USH2A: variants seen among roughly 807,000 people sequenced by gnomAD.
USH2A encodes the protein Usher syndrome 2A (autosomal recessive, mild).
USH2A carries 443 observed loss-of-function variants against 538.9 expected under a neutral mutation model. That is an observed-to-expected ratio of 0.82 (90% CI 0.76 to 0.89). USH2A has a LOEUF of 0.89. Ranked by LOEUF, USH2A falls within the 40% of genes least tolerant of loss-of-function variation. The pLI is 0.00. For missense variants in USH2A, 6,633 were observed against 6,324.8 expected, an observed-to-expected ratio of 1.05 and a Z score of -1.65; for synonymous variants, 2,413 against 2,273.5, an observed-to-expected ratio of 1.06 and a Z score of -1.75.
intron 32 of USH2A, among the ~76,000 whole-genome samples, chr1:216,040,327 C>T (rs1245921281): frequency 2.0e-5 from 3 of 152,016 alleles, no homozygotes; most frequent in South Asian, 4.1e-4. Context: ...TTAACCTTTC[C>T]TCTTTTGGAG....
At chr1:215,830,700 C>T (rs1663288283) in intron 47 of USH2A, among the ~76,000 whole-genome samples, 1 of 152,158 alleles carries the variant, frequency 6.6e-6, no homozygotes, top group Non-Finnish European at 1.5e-5. Flanking sequence ...TTATGGTTGC[C>T]TCACATGCAT....
In USH2A at chr1:216,246,937, G is replaced by T. The variant is rs919036575; in HGVS notation, c.2457C>A (p.Pro819=). The T allele has an allele frequency of 1.2e-6, 2 of 1,613,916 alleles. No individual in the cohort carries two copies. The highest frequency in any genetic ancestry group is 2.7e-5 in the African/African-American group (2 of 74,888). ...NAKTGQCICK[P]NVEGRQCNKC... ...TATTGCACTGTCTCCCTTCAACATT[G>T]GGCTTGCAGATGCACTGCCCTGTCT... The change falls in exon 13 of 72, where the codon CCC becomes CCA. Residue 819 remains proline (P), a synonymous_variant. Coordinates refer to ENST00000307340, the MANE Select transcript of USH2A (RefSeq NM_206933.4).
intron 32 of USH2A, among the ~76,000 whole-genome samples, chr1:216,020,929 G>T (rs963735096): frequency 2.0e-5 from 3 of 152,088 alleles, no homozygotes; most frequent in Admixed American, 2.0e-4. Flanking sequence ...CCTGAAGAGG[G>T]GGTTGTGGGA....
intron 14 of USH2A, among the ~76,000 whole-genome samples, chr1:216,219,480 T>G (rs1291564732): frequency 6.6e-6 from 1 of 152,082 alleles, no homozygotes; most frequent in Non-Finnish European, 1.5e-5. Flanking sequence ...CTTTAGCAAA[T>G]AAGCTACAAA....
chr1:215,836,480 A>AAT (rs1663499366), intron 47 of USH2A, among the ~76,000 whole-genome samples: 1 of 8,446 alleles, frequency 1.2e-4, no homozygotes, highest in African/African-American at 3.0e-4. Flanking sequence ...ATATATATAT[A>AAT]ATATATATTA....
intron 37 of USH2A, among the ~76,000 whole-genome samples, chr1:215,947,906 G>A (rs1415355001): frequency 2.0e-5 from 3 of 152,008 alleles, no homozygotes; most frequent in African/African-American, 7.2e-5. Flanking sequence ...GCCATACAGA[G>A]TAAATCATTA....
intron 64 of USH2A, among the ~76,000 whole-genome samples, chr1:215,663,628 A>G (rs1238096572): frequency 4.6e-5 from 7 of 152,158 alleles, no homozygotes; most frequent in Non-Finnish European, 7.3e-5. Context: ...CTGCTCAATC[A>G]TAGTCCTCTG....
chr1:215,782,115 C>G lies in USH2A; in HGVS notation c.10667G>C (p.Gly3556Ala). 1.2e-6 allele frequency: 2 copies of G among 1,613,984 alleles called. No homozygotes were observed. Among genetic ancestry groups the G allele is most frequent in the Non-Finnish European group, 1.7e-6 (2 of 1,179,892 alleles). Residue 3556 changes from glycine to alanine, a missense_variant, in exon 54 of 72, where the codon GGA (glycine) becomes GCA (alanine). Physicochemically the swap from Gly to Ala is moderately conservative, Grantham distance 60 (BLOSUM62 0). Transcript: ENST00000307340. Reference protein sequence around the residue: ...GTSLSFSDKEGIQPFQEYSYQ... With the variant: ...GTSLSFSDKEAIQPFQEYSYQ... ...TGAATATTCCTGAAATGGTTGAATT[C>G]CCTCTTTATCAGAGAAGCTCAGTGA...
chr1:215,624,271 A>G lies in USH2A; in HGVS notation c.*1510T>C, dbSNP rs920810354. ...TTATGGTTGGCAAACTTTGTCTAGG[A>G]GTTGGTCAGTCTGAGGAGCTGCTCT... On this transcript the variant is annotated 3_prime_UTR_variant, in exon 72 of 72. Transcript: ENST00000307340. 3.3e-5 allele frequency: 5 copies of G among 152,142 alleles called. No homozygotes were observed. The highest frequency in any genetic ancestry group is 7.3e-5 in the Non-Finnish European group (5 of 68,042). The allele number at this position is 152,142 out of a possible 1,614,324, so 9.4% of individuals were successfully genotyped here. A position where few individuals can be genotyped will look rare whatever the true frequency, so the allele number is the denominator to read the frequency against.
chr1:215,830,758 A>C (rs1436601487), intron 47 of USH2A, among the ~76,000 whole-genome samples: 1 of 152,228 alleles, frequency 6.6e-6, no homozygotes, highest in Admixed American at 6.5e-5. Flanking sequence ...GAACTATTAC[A>C]TAATTCTACA....
rs2037642877 is a variant in USH2A, at chr1:216,322,730, C to T, written c.1550+744G>A. Among the ~76,000 whole-genome samples, 3 of 151,246 alleles carry T rather than the reference C, an allele frequency of 2.0e-5. No homozygotes were observed. In the South Asian group the frequency reaches 6.3e-4, roughly 32 times the overall value. ...AGATGATGAATATTTAATAGTATTG[C>T]TTTGTTCATTATGCTATGACTTAGC... On this transcript the variant is annotated intron_variant, in intron 8 of 71. Transcript: ENST00000307340.
At chr1:215,723,146 C>A (rs917379266) in intron 61 of USH2A, among the ~76,000 whole-genome samples, 1 of 152,092 alleles carries the variant, frequency 6.6e-6, no homozygotes, top group African/African-American at 2.4e-5. Context: ...CTAAAGAGAC[C>A]CCAAGAATCT....
chr1:215,832,548 C>A (rs1206482421), intron 47 of USH2A, among the ~76,000 whole-genome samples: 1 of 151,778 alleles, frequency 6.6e-6, no homozygotes, highest in African/African-American at 2.4e-5. Context: ...GACAAATTTC[C>A]ATGTCCATTT....
intron 35 of USH2A, among the ~76,000 whole-genome samples, chr1:215,974,630 G>A (rs1197480837): frequency 1.3e-5 from 2 of 152,074 alleles, no homozygotes; most frequent in Admixed American, 1.3e-4. Flanking sequence ...TAGTACAAAA[G>A]CCTCCAGCTT....
In USH2A at chr1:216,247,167, C is replaced by T; in HGVS notation, c.2227G>A (p.Gly743Arg). The T allele has an allele frequency of 1.2e-6, 2 of 1,614,072 alleles. No homozygotes were observed. The highest frequency in any genetic ancestry group is 1.7e-6 in the Non-Finnish European group (2 of 1,179,954). ...FKFLRSFNDV[G>R]CEPCQCNLHG... ...AGGTTACACTGGCAGGGCTCACATC[C>T]AACATCATTAAAGCTTCGGAGAAAT... Residue 743 changes from glycine to arginine, a missense_variant, in exon 13 of 72, where the codon GGA (glycine) becomes AGA (arginine). Gly to Arg is a moderately radical substitution (Grantham distance 125). Transcript: ENST00000307340.
intron 50 of USH2A, among the ~76,000 whole-genome samples, chr1:215,796,944 T>C (rs1307208615): frequency 6.6e-6 from 1 of 152,214 alleles, no homozygotes; most frequent in Non-Finnish European, 1.5e-5. Context: ...ACAGTATCTC[T>C]TTATTATATC....
At chr1:215,864,457 C>T (rs2102438140) in intron 44 of USH2A, among the ~76,000 whole-genome samples, 1 of 152,188 alleles carries the variant, frequency 6.6e-6, no homozygotes, top group Non-Finnish European at 1.5e-5. Flanking sequence ...CAGGGATAAA[C>T]ATCACCTGTC....
rs778948971 is a variant in USH2A, at chr1:215,878,962, G to A, written c.8360C>T (p.Thr2787Ile). ...AGCAACAATGGTGACAGAATAATTA[G>A]TGAAAGGAATCAGATGAGTAACTTT... ...SQKVTHLIPF[T>I]NYSVTIVACS... The change falls in exon 42 of 72, where the codon ACT becomes ATT. Residue 2787 changes from threonine (T) to isoleucine (I), a missense_variant. Physicochemically the swap from Thr to Ile is moderately conservative, Grantham distance 89. Transcript: ENST00000307340. The A allele has an allele frequency of 6.2e-7, 1 of 1,614,056 alleles. No homozygotes were observed. The highest frequency in any genetic ancestry group is 8.5e-7 in the Non-Finnish European group (1 of 1,179,978).
At chr1:215,663,070 G>A (rs1657493677) in intron 64 of USH2A, among the ~76,000 whole-genome samples, 4 of 152,170 alleles carry the variant, frequency 2.6e-5, no homozygotes, top group African/African-American at 2.4e-5. Flanking sequence ...AAATGGCAAG[G>A]ATGAGGAGGG....
Sources: allele counts gnomAD v4.1 joint callset (sites outside exome capture counted in the v4.1 genomes callset), GRCh38; gene constraint gnomAD v4.1.1; transcripts MANE v1.5; gene names NCBI Gene and HGNC (gene_info 2026-07-23, HGNC 2026-07-21).